ACTN4: variants seen among roughly 807,000 people sequenced by gnomAD.
ACTN4 encodes actinin alpha 4, also known as alpha-actinin-4.
In ACTN4, 18 loss-of-function variants were observed where a neutral mutation model predicts 114.2. The ratio of observed to expected loss-of-function variants is 0.16; its 90% CI spans 0.11 to 0.23. ACTN4 has a LOEUF of 0.23. Among genes scored for constraint, ACTN4 ranks in the 10% least tolerant of loss-of-function variants. The probability of loss-of-function intolerance (pLI) is 1.00; values close to 1 mark genes in which losing one functional copy is unlikely to be tolerated. For synonymous variants in ACTN4, 515 were observed against 506.3 expected (o/e 1.02, Z -0.23); for missense variants, 722 against 1,262.9 (o/e 0.57, Z 6.49).
At chr19:38,673,235 A>G (rs1273987920) in intron 1 of ACTN4, among the ~76,000 whole-genome samples, 1 of 150,650 alleles carries the variant, frequency 6.6e-6, no homozygotes, top group Admixed American at 6.7e-5. Context: ...GAGCCACCAC[A>G]CCCGGCCTAT....
rs1807822415 is a variant in ACTN4, at chr19:38,717,366, C to T, written c.1143+50C>T. The stretch of plus-strand genomic sequence containing the variant: ...GCAGCTGTGAGGGGCAGAGGCAGCC[C>T]TAGAACTGCCTGTGGGCAGTTTGGC... On this transcript the variant is annotated intron_variant, in intron 10 of 20. Transcript: ENST00000252699. This position sits in a 1 kb window ranked among gnomAD's most constrained non-coding sequence, Gnocchi z 4.0. 1 of 1,590,240 alleles carries T rather than the reference C, an allele frequency of 6.3e-7. No individual in the cohort carries two copies. The highest frequency in any genetic ancestry group is 8.6e-7 in the Non-Finnish European group (1 of 1,169,240).
rs1420941783 is a variant in ACTN4 at position 38,701,009 on chromosome 19, G to A, written c.285G>A (p.Arg95=). ...MLLLEVISGE[R]LPKPERGKMR... ...TCTTTGTGCACTTCTCAGGGGAGCG[G>A]TTACCTAAGCCGGAGCGGGGGAAGA... The change falls in exon 3 of 21, where the codon CGG becomes CGA. Residue 95 remains arginine (R), a synonymous_variant. Transcript: ENST00000252699. The A allele has an allele frequency of 6.2e-7, 1 of 1,613,900 alleles. No individual in the cohort carries two copies.
Position 38,671,007 on chromosome 19 carries a change from A to G in ACTN4, c.162+23100A>G, listed in dbSNP as rs77292597. Among the ~76,000 whole-genome samples the G allele has an allele frequency of 8.6e-3, 1,307 of 151,204 alleles. 18 individuals are homozygous for G. The highest frequency in any genetic ancestry group is 0.03 in the African/African-American group (1,247 of 41,208). The stretch of plus-strand genomic sequence containing the variant: ...ACCCATTTGTGACCCCTAACCTTGC[A>G]TGGTCTTGACCCTGTCTCTGCCTCT... On this transcript the variant is annotated intron_variant, in intron 1 of 20. Transcript: ENST00000252699.
Position 38,727,268 on chromosome 19 carries a change from G to A in ACTN4, c.2337+165G>A, listed in dbSNP as rs982386344. ...GCCACTGTCAGGGTGTAGGTGTGCG[G>A]CACCAAGACCCCAGCCTGGGCCACT... On this transcript the variant is annotated intron_variant, in intron 18 of 20. Transcript: ENST00000252699. The surrounding 1 kb of genome is among the most constrained non-coding windows in gnomAD (Gnocchi z 5.4). Among the ~76,000 whole-genome samples the A allele has an allele frequency of 1.3e-5, 2 of 152,116 alleles. No homozygotes were observed. The highest frequency in any genetic ancestry group is 4.1e-4 in the South Asian group (2 of 4,830).
At chr19:38,708,710 G>A (rs1177075707) in intron 6 of ACTN4, among the ~76,000 whole-genome samples, 2 of 152,238 alleles carry the variant, frequency 1.3e-5, no homozygotes, top group Admixed American at 6.5e-5. Context: ...GTGTACATGT[G>A]CTCAGGCTGA....
At chr19:38,653,448 TTTAC>T (rs1197358995) in intron 1 of ACTN4, among the ~76,000 whole-genome samples, 1 of 152,224 alleles carries the variant, frequency 6.6e-6, no homozygotes, top group African/African-American at 2.4e-5. Flanking sequence ...TGCTGCTGCT[TTTAC>T]TTTTTTGAAG....
Position 38,647,902 on chromosome 19 carries a change from C to A in ACTN4, c.157C>A (p.Arg53Ser). 6.7e-7 allele frequency: 1 copy of A among 1,489,092 alleles called. No individual in the cohort carries two copies. Among genetic ancestry groups the A allele is most frequent in the East Asian group, 2.8e-5 (1 of 36,348 alleles). The allele number at this position is 1,489,092 out of a possible 1,614,324, so 92.2% of individuals were successfully genotyped here. Residue 53 changes from arginine (R) to serine (S), a missense_variant, in exon 1 of 21, where the codon CGC (arginine) becomes AGC (serine). Physicochemically the swap from Arg to Ser is moderately radical, Grantham distance 110. This residue lies in a region of ACTN4 where 72 missense variants were observed against 75.6 expected (regional missense o/e 0.95). Transcript: ENST00000252699. ...GGACCCGGCCTGGGAGAAGCAGCAGCGCAAGGTGCGCGGCCCGCGGGCCGG... is the reference window on the plus strand; with the variant it reads ...GGACCCGGCCTGGGAGAAGCAGCAGAGCAAGGTGCGCGGCCCGCGGGCCGG... ...LLDPAWEKQQ[R>S]KTFTAWCNSH... is the part of the protein sequence containing the mutation.
At chr19:38,679,151 A>G (rs1412137535) in intron 1 of ACTN4, among the ~76,000 whole-genome samples, 17 of 152,174 alleles carry the variant, frequency 1.1e-4, no homozygotes, top group Admixed American at 9.8e-4. Flanking sequence ...GTGCTTGGCT[A>G]TTGGCCTGGG....
intron 1 of ACTN4, among the ~76,000 whole-genome samples, chr19:38,679,568 C>CGTGTGT (rs10583743): frequency 0.035 from 5,066 of 145,460 alleles, 107 homozygotes; most frequent in South Asian, 0.052. Context: ...TTTGGGTGTG[C>CGTGTGT]GTGTGTGTGT....
In ACTN4 at chr19:38,729,061, C is replaced by T; in HGVS notation, c.2484C>T (p.Phe828=). 6.2e-7 allele frequency: 1 copy of T among 1,613,576 alleles called. No individual in the cohort carries two copies. The highest frequency in any genetic ancestry group is 8.5e-7 in the Non-Finnish European group (1 of 1,180,032). The change falls in exon 20 of 21, where the codon TTC becomes TTT. Residue 828 remains phenylalanine, a synonymous_variant. Coordinates refer to ENST00000252699, the MANE Select transcript of ACTN4 (RefSeq NM_004924.6). The part of the protein sequence containing the change: ...VDPNHSGLVT[F]QAFIDFMSRE... ...CCAACCATAGCGGCCTTGTGACCTT[C>T]CAAGCCTTCATCGACTTCATGTCGC...
chr19:38,672,109 G>A (rs1482510384), intron 1 of ACTN4, among the ~76,000 whole-genome samples: 1 of 152,086 alleles, frequency 6.6e-6, no homozygotes, highest in Non-Finnish European at 1.5e-5. Context: ...TAGGATGAGA[G>A]AGTTTCTCGC....
chr19:38,727,739 C>T lies in ACTN4; in HGVS notation c.2338-207C>T. On this transcript the variant is annotated intron_variant, in intron 18 of 20. Coordinates refer to ENST00000252699, the MANE Select transcript of ACTN4 (RefSeq NM_004924.6). This position sits in a 1 kb window ranked among gnomAD's most constrained non-coding sequence, Gnocchi z 5.4. ...GGGGAGGCCTCTGCCTTCCTTTGAG[C>T]TTCCGAGGTTGGGGAAAGGATGAAA... 1.7e-6 allele frequency: 1 copy of T among 592,694 alleles called. No homozygotes were observed. The highest frequency in any genetic ancestry group is 3.0e-6 in the Non-Finnish European group (1 of 330,812). 36.7% of individuals were successfully genotyped at this position (592,694 alleles called of 1,614,324 possible).
intron 1 of ACTN4, among the ~76,000 whole-genome samples, chr19:38,684,952 T>G (rs1318374207): frequency 2.0e-5 from 3 of 152,080 alleles, no homozygotes; most frequent in Non-Finnish European, 4.4e-5. Context: ...TTTGTTTGTT[T>G]GTTTGTTTGT....
rs1197090072 is a variant in ACTN4, at chr19:38,724,815, G to C, written c.2010+250G>C. Among the ~76,000 whole-genome samples the C allele has an allele frequency of 6.6e-6, 1 of 152,210 alleles. No homozygotes were observed. On this transcript the variant is annotated intron_variant, in intron 16 of 20. Coordinates refer to ENST00000252699, the MANE Select transcript of ACTN4 (RefSeq NM_004924.6). This position sits in a 1 kb window ranked among gnomAD's most constrained non-coding sequence, Gnocchi z 7.0. ...GCCCAGGAGTTCGAGACCAGCCTGG[G>C]CAACATAGTGAGACCCCAACTCTAC... is the stretch of plus-strand genomic sequence containing the variant.
rs2145115373 is a variant in ACTN4, at chr19:38,728,864, G to C, written c.2419-132G>C. 3 of 1,175,262 alleles carry C rather than the reference G, an allele frequency of 2.6e-6. No individual in the cohort carries two copies. In the Middle Eastern group the frequency reaches 8.3e-4, roughly 324 times the overall value. The allele number at this position is 1,175,262 out of a possible 1,614,324, so 72.8% of individuals were successfully genotyped here. On this transcript the variant is annotated intron_variant, in intron 19 of 20. Transcript: ENST00000252699. ...GGCCAAGGCTGCTGGAGCAGGCGGG[G>C]AACAGGGCGCACGCACACGTGGGTT...
chr19:38,651,669 C>T lies in ACTN4; in HGVS notation c.162+3762C>T, dbSNP rs946985975. Among the ~76,000 whole-genome samples the T allele has an allele frequency of 2.6e-5, 4 of 151,946 alleles. No homozygotes were observed. In the East Asian group the frequency reaches 5.8e-4, roughly 22 times the overall value. On this transcript the variant is annotated intron_variant, in intron 1 of 20. Coordinates refer to ENST00000252699, the MANE Select transcript of ACTN4 (RefSeq NM_004924.6). ...AGTTTTGCTCTTGTTGCCCATGTGG[C>T]TGTATTAGGTATGAGTTAACTATTT... is the stretch of plus-strand genomic sequence containing the variant.
intron 11 of ACTN4, among the ~76,000 whole-genome samples, chr19:38,719,125 G>A (rs866598996): frequency 2.0e-5 from 3 of 152,198 alleles, no homozygotes; most frequent in Non-Finnish European, 4.4e-5. Flanking sequence ...ATTTCATCAC[G>A]TCCCTGGCCC....
intron 16 of ACTN4, 103 bp from the exon 17 acceptor site, chr19:38,725,621 G>C: frequency 7.1e-7 from 1 of 1,402,168 alleles, no homozygotes; most frequent in South Asian, 1.2e-5. Flanking sequence ...GGCCAAAGGG[G>C]CCCCGGGGAA....
chr19:38,731,117 G>GGTGAGGTGGGCCACACA lies in ACTN4; in HGVS notation c.*1687_*1703dup. On this transcript the variant is annotated 3_prime_UTR_variant, in exon 21 of 21. Coordinates refer to ENST00000252699, the MANE Select transcript of ACTN4 (RefSeq NM_004924.6). ...CGGGGTGGTACTCACAGAAGATGCA[G>GGTGAGGTGGGCCACACA]GTGAGGTGGGCCACACAGGACACGA... The GGTGAGGTGGGCCACACA allele has an allele frequency of 6.2e-7, 1 of 1,611,972 alleles. No individual in the cohort carries two copies. Among genetic ancestry groups the GGTGAGGTGGGCCACACA allele is most frequent in the Non-Finnish European group, 8.5e-7 (1 of 1,179,546 alleles).
Sources: gnomAD v4.1 joint callset for allele counts (sites outside exome capture counted in the v4.1 genomes callset) on GRCh38, gnomAD v4.1.1 for gene constraint, gnomAD v4.1.1 regional missense constraint, Gnocchi (gnomAD v3.1) non-coding constraint, MANE v1.5 for transcripts, NCBI Gene and HGNC (gene_info 2026-07-23, HGNC 2026-07-21) for gene names.